Variants in PDE4D observed in about 807,000 individuals in gnomAD.
The protein encoded by PDE4D is phosphodiesterase 4D, also known as 3',5'-cyclic-AMP phosphodiesterase 4D.
Under a neutral mutation model 87.4 loss-of-function variants are expected in PDE4D, and 24 were observed. The ratio of observed to expected loss-of-function variants is 0.27; its 90% CI spans 0.20 to 0.39. The LOEUF (loss-of-function observed/expected upper bound fraction) is 0.39. Ranked by LOEUF, PDE4D falls within the 10% of genes least tolerant of loss-of-function variation. PDE4D has a pLI of 1.00. For missense variants in PDE4D, 714 were observed against 1,041.0 expected, an observed-to-expected ratio of 0.69 and a Z score of 4.32; for synonymous variants, 384 against 383.2, an observed-to-expected ratio of 1.00 and a Z score of -0.02.
chr5:59,341,171 G>C (rs1028087078), intron 1 of PDE4D, among the ~76,000 whole-genome samples: 2 of 152,086 alleles, frequency 1.3e-5, no homozygotes, highest in Non-Finnish European at 2.9e-5. Context: ...GACAGCACAG[G>C]CCTAGATTAG....
chr5:60,434,640 T>C (rs1744621791), intron 1 of PDE4D, among the ~76,000 whole-genome samples: 1 of 152,146 alleles, frequency 6.6e-6, no homozygotes, highest in African/African-American at 2.4e-5. Context: ...ATTCAGATAT[T>C]ATGCAGAAAA....
chr5:60,297,518 G>A (rs907617265), intron 1 of PDE4D, among the ~76,000 whole-genome samples: 4 of 152,116 alleles, frequency 2.6e-5, no homozygotes, highest in African/African-American at 9.7e-5. Flanking sequence ...TACCAAACAT[G>A]CTATAAATCT....
intron 1 of PDE4D, chr5:59,275,462 T>A: frequency 1.3e-6 from 2 of 1,568,008 alleles, no homozygotes; most frequent in South Asian, 2.3e-5. Context: ...ACATTCTAAC[T>A]GTCTTTCTGC....
chr5:60,097,091 C>T (rs917252295), intron 2 of PDE4D, among the ~76,000 whole-genome samples: 1 of 151,868 alleles, frequency 6.6e-6, no homozygotes, highest in Non-Finnish European at 1.5e-5. Flanking sequence ...ATGTGCTAAG[C>T]TAAAAATGAA....
chr5:59,765,068 G>A (rs1456704603), intron 1 of PDE4D, among the ~76,000 whole-genome samples: 1 of 152,154 alleles, frequency 6.6e-6, no homozygotes, highest in African/African-American at 2.4e-5. Context: ...CCAAGCATGG[G>A]TATACCAAAA....
intron 1 of PDE4D, among the ~76,000 whole-genome samples, chr5:59,238,124 T>G (rs1219215925): frequency 6.6e-6 from 1 of 152,148 alleles, no homozygotes; most frequent in Non-Finnish European, 1.5e-5. Context: ...TTGGCCAAGT[T>G]ACTCACTCTC....
chr5:59,840,234 CCACACACA>C (rs142164308), intron 1 of PDE4D, among the ~76,000 whole-genome samples: 7 of 145,108 alleles, frequency 4.8e-5, no homozygotes, highest in East Asian at 4.2e-4. Flanking sequence ...ACGTGCACTG[CCACACACA>C]CACACACACA....
intron 1 of PDE4D, among the ~76,000 whole-genome samples, chr5:59,612,655 G>A (rs912433423): frequency 9.9e-5 from 15 of 152,180 alleles, no homozygotes; most frequent in African/African-American, 3.4e-4. Context: ...AAGAGGGGAT[G>A]GGGAATGCCA....
At chr5:59,395,925 C>T (rs1290228829) in intron 1 of PDE4D, among the ~76,000 whole-genome samples, 1 of 119,188 alleles carries the variant, frequency 8.4e-6, no homozygotes, top group Non-Finnish European at 1.8e-5. Context: ...TCAAGAACTA[C>T]CTGAAGAATG....
chr5:60,417,229 G>T (rs1742684560), intron 1 of PDE4D, among the ~76,000 whole-genome samples: 1 of 152,186 alleles, frequency 6.6e-6, no homozygotes, highest in Non-Finnish European at 1.5e-5. Flanking sequence ...GATTTATCTT[G>T]TTTAATCTGT....
chr5:60,411,004 A>G (rs1044284499), intron 1 of PDE4D, among the ~76,000 whole-genome samples: 9 of 152,190 alleles, frequency 5.9e-5, no homozygotes, highest in Non-Finnish European at 1.3e-4. Context: ...AAAGCTGCAT[A>G]CTTTTCCCCA....
chr5:59,867,802 A>G (rs1247088714), intron 1 of PDE4D, among the ~76,000 whole-genome samples: 1 of 152,178 alleles, frequency 6.6e-6, no homozygotes, highest in Non-Finnish European at 1.5e-5. Context: ...TCCTTGCTAT[A>G]TCATTAGGGA....
At chr5:59,574,084 TTATATATATAAATATATATTTATA>T (rs1464735295) in intron 1 of PDE4D, among the ~76,000 whole-genome samples, 1,440 of 109,522 alleles carry the variant, frequency 0.013, 65 homozygotes, top group African/African-American at 0.056. Context: ...ATATATATAT[TTATATATATAAATATATATTTATA>T]TATATATATA....
chr5:60,321,102 T>G (rs946907963), intron 1 of PDE4D, among the ~76,000 whole-genome samples: 1 of 152,192 alleles, frequency 6.6e-6, no homozygotes, highest in Non-Finnish European at 1.5e-5. Context: ...AAGGTAATCC[T>G]CAGCAAATGA....
chr5:60,217,980 TC>T (rs1744057662), intron 1 of PDE4D, among the ~76,000 whole-genome samples: 1 of 151,960 alleles, frequency 6.6e-6, no homozygotes, highest in Non-Finnish European at 1.5e-5. Context: ...CTTTGTAAAA[TC>T]CTTTGGCAGC....
intron 1 of PDE4D, among the ~76,000 whole-genome samples, chr5:59,671,401 G>C (rs1314582582): frequency 6.6e-6 from 1 of 152,164 alleles, no homozygotes; most frequent in Non-Finnish European, 1.5e-5. Context: ...GGGGTGAGTA[G>C]CAGGGGATAA....
chr5:59,159,714 T>A (rs1780762617), intron 5 of PDE4D, among the ~76,000 whole-genome samples: 1 of 152,204 alleles, frequency 6.6e-6, no homozygotes, highest in Admixed American at 6.5e-5. Context: ...AAGGTCTACC[T>A]CAGAAATGAA....
intron 6 of PDE4D, among the ~76,000 whole-genome samples, chr5:59,036,141 G>A (rs1459034961): frequency 6.6e-6 from 1 of 152,194 alleles, no homozygotes; most frequent in Non-Finnish European, 1.5e-5. Flanking sequence ...AACCCAGTTT[G>A]TTAAATGGGT....
intron 1 of PDE4D, among the ~76,000 whole-genome samples, chr5:59,602,453 C>T (rs919621444): frequency 2.6e-4 from 39 of 151,962 alleles, no homozygotes; most frequent in Non-Finnish European, 4.4e-4. Flanking sequence ...TGTTGATATA[C>T]ACTAGCAGCG....
Sources: allele counts gnomAD v4.1 joint callset (sites outside exome capture counted in the v4.1 genomes callset), GRCh38; gene constraint gnomAD v4.1.1; transcripts MANE v1.5; gene names NCBI Gene and HGNC (gene_info 2026-07-23, HGNC 2026-07-21).